LRRC4C: variants seen among roughly 807,000 people sequenced by gnomAD.
The protein encoded by LRRC4C is leucine-rich repeat-containing protein 4C.
LRRC4C carries 5 observed loss-of-function variants against 33.6 expected under a neutral mutation model. The ratio of observed to expected loss-of-function variants is 0.15; its 90% CI spans 0.08 to 0.31. The LOEUF is 0.31. Ranked by LOEUF, LRRC4C falls within the 10% of genes least tolerant of loss-of-function variation. LRRC4C has a pLI of 1.00. For synonymous variants in LRRC4C, 329 were observed against 302.0 expected, an observed-to-expected ratio of 1.09 and a Z score of -0.93; for missense variants, 560 against 796.7, an observed-to-expected ratio of 0.70 and a Z score of 3.58.
chr11:41,066,379 A>G (rs1938238870), intron 1 of LRRC4C, among the ~76,000 whole-genome samples: 1 of 152,182 alleles, frequency 6.6e-6, no homozygotes. Flanking sequence ...AAAGAATGAA[A>G]AAGAATGGAC....
chr11:40,763,298 A>G (rs2137091428), intron 2 of LRRC4C, among the ~76,000 whole-genome samples: 1 of 152,140 alleles, frequency 6.6e-6, no homozygotes, highest in South Asian at 2.1e-4. Context: ...ACTGTGCTGA[A>G]CAAATCATGG....
chr11:40,642,779 A>G (rs1373012200), intron 3 of LRRC4C, among the ~76,000 whole-genome samples: 2 of 152,198 alleles, frequency 1.3e-5, no homozygotes, highest in African/African-American at 4.8e-5. Context: ...TTTTGCATGT[A>G]TTCCTACTCT....
intron 3 of LRRC4C, among the ~76,000 whole-genome samples, chr11:40,577,424 T>C (rs1958239884): frequency 6.6e-6 from 1 of 152,202 alleles, no homozygotes. Flanking sequence ...ACTAGTAATA[T>C]GCCAGGATAA....
intron 1 of LRRC4C, among the ~76,000 whole-genome samples, chr11:41,280,906 A>C (rs914414244): frequency 3.3e-5 from 5 of 152,238 alleles, no homozygotes; most frequent in Admixed American, 6.5e-5. Flanking sequence ...GTCAGACTTA[A>C]GAATTATTAA....
At chr11:40,649,530 A>G (rs188405641) in intron 2 of LRRC4C, among the ~76,000 whole-genome samples, 1 of 152,312 alleles carries the variant, frequency 6.6e-6, no homozygotes, top group African/African-American at 2.4e-5. Flanking sequence ...TTCAAGGTAC[A>G]CTGATTTCAT....
chr11:40,523,612 ATAGAG>A (rs994487039), intron 3 of LRRC4C, among the ~76,000 whole-genome samples: 4 of 68,750 alleles, frequency 5.8e-5, no homozygotes, highest in Non-Finnish European at 7.9e-5. Flanking sequence ...ATTATATATA[ATAGAG>A]TATTCTATTA....
chr11:41,260,646 T>C (rs1453000388), intron 1 of LRRC4C, among the ~76,000 whole-genome samples: 1 of 151,922 alleles, frequency 6.6e-6, no homozygotes, highest in African/African-American at 2.4e-5. Context: ...AAATAGTTTT[T>C]CTTTTCTTGA....
intron 1 of LRRC4C, among the ~76,000 whole-genome samples, chr11:41,060,979 G>A (rs1257629795): frequency 2.0e-5 from 3 of 148,746 alleles, no homozygotes; most frequent in Middle Eastern, 3.4e-3. Flanking sequence ...GATGTTCCCC[G>A]CCCCTTCCCC....
chr11:41,131,119 A>T (rs1942990845), intron 1 of LRRC4C, among the ~76,000 whole-genome samples: 1 of 152,054 alleles, frequency 6.6e-6, no homozygotes, highest in African/African-American at 2.4e-5. Context: ...GTGGTGCAGC[A>T]GCCCGAGTTT....
chr11:40,118,191 ATATT>A (rs1460579497), intron 6 of LRRC4C, among the ~76,000 whole-genome samples: 10 of 148,350 alleles, frequency 6.7e-5, no homozygotes, highest in East Asian at 1.9e-4. Flanking sequence ...AATATTAAAA[ATATT>A]TATAAGTATG....
intron 3 of LRRC4C, among the ~76,000 whole-genome samples, chr11:40,495,304 G>GA (rs1490285140): frequency 1.3e-5 from 2 of 151,974 alleles, no homozygotes; most frequent in Non-Finnish European, 2.9e-5. Context: ...CCCCCCGCCA[G>GA]AAAAAAATTA....
At chr11:40,336,971 C>G in intron 3 of LRRC4C, among the ~76,000 whole-genome samples, 1 of 92,910 alleles carries the variant, frequency 1.1e-5, no homozygotes, top group Non-Finnish European at 1.9e-5. Context: ...AGCGAGACTT[C>G]GTCTCAAAAA....
intron 6 of LRRC4C, among the ~76,000 whole-genome samples, chr11:40,132,547 T>C (rs1856715478): frequency 6.6e-6 from 1 of 152,212 alleles, no homozygotes; most frequent in Non-Finnish European, 1.5e-5. Context: ...TTGCTATAGT[T>C]TATTCCTCAA....
chr11:40,988,999 C>T (rs866603339), intron 1 of LRRC4C, among the ~76,000 whole-genome samples: 27 of 152,172 alleles, frequency 1.8e-4, no homozygotes, highest in South Asian at 4.1e-4. Flanking sequence ...GGATTACAGG[C>T]GTGAGCCACC....
chr11:40,427,017 G>A (rs534062026), intron 3 of LRRC4C, among the ~76,000 whole-genome samples: 2 of 152,040 alleles, frequency 1.3e-5, no homozygotes, highest in East Asian at 1.9e-4. Context: ...CTAAAATTTT[G>A]CATTTAGAAT....
intron 1 of LRRC4C, among the ~76,000 whole-genome samples, chr11:41,267,436 A>G (rs1262526333): frequency 6.6e-6 from 1 of 152,126 alleles, no homozygotes; most frequent in East Asian, 1.9e-4. Context: ...GCGTTTGTTC[A>G]TCTAAGAAAG....
At chr11:40,669,663 C>A (rs976762248) in intron 2 of LRRC4C, among the ~76,000 whole-genome samples, 1 of 152,164 alleles carries the variant, frequency 6.6e-6, no homozygotes, top group East Asian at 1.9e-4. Context: ...TTGCCTGGTA[C>A]TCCCAATATA....
chr11:40,204,321 C>T (rs889405185), intron 5 of LRRC4C, among the ~76,000 whole-genome samples: 2 of 152,128 alleles, frequency 1.3e-5, no homozygotes, highest in Admixed American at 6.5e-5. Flanking sequence ...GACCCAGCAG[C>T]CTTATCCTTT....
At chr11:40,916,775 CTAT>C (rs2136322089) in intron 2 of LRRC4C, among the ~76,000 whole-genome samples, 1 of 151,406 alleles carries the variant, frequency 6.6e-6, no homozygotes, top group East Asian at 2.0e-4. Flanking sequence ...GACACAATGA[CTAT>C]TGAGACACTT....
Sources: gnomAD v4.1 joint callset for allele counts (sites outside exome capture counted in the v4.1 genomes callset) on GRCh38, gnomAD v4.1.1 for gene constraint, MANE v1.5 for transcripts, NCBI Gene and HGNC (gene_info 2026-07-23, HGNC 2026-07-21) for gene names.